TAFA4: variants seen among roughly 807,000 people sequenced by gnomAD.
TAFA4 encodes chemokine-like protein TAFA-4.
TAFA4 carries 20 observed loss-of-function variants against 21.1 expected under a neutral mutation model. The ratio of observed to expected loss-of-function variants is 0.95; its 90% CI spans 0.67 to 1.38. The LOEUF (loss-of-function observed/expected upper bound fraction) is 1.38, where lower values mean the gene tolerates loss of function less well. TAFA4 is among the 40% of genes most tolerant of loss of function. TAFA4 has a pLI of 0.00. For missense variants in TAFA4, 211 were observed against 180.9 expected (o/e 1.17, Z -0.95); for synonymous variants, 71 against 67.4 (o/e 1.05, Z -0.26).
intron 4 of TAFA4, 53 bp downstream of exon 4, chr3:68,752,810 G>C: frequency 6.2e-7 from 1 of 1,610,476 alleles, no homozygotes; most frequent in Non-Finnish European, 8.5e-7. Flanking sequence ...GGAAATTCCT[G>C]GTGGGTTTTG....
At chr3:68,822,817 C>G (rs1275224853) in intron 3 of TAFA4, among the ~76,000 whole-genome samples, 1 of 152,126 alleles carries the variant, frequency 6.6e-6, no homozygotes, top group South Asian at 2.1e-4. Context: ...TTAATGCATT[C>G]TAAGATGGAA....
chr3:68,809,647 C>T (rs2106841753), intron 3 of TAFA4, among the ~76,000 whole-genome samples: 1 of 151,534 alleles, frequency 6.6e-6, no homozygotes, highest in Non-Finnish European at 1.5e-5. Context: ...AGATCAGTGT[C>T]ATAAAGCTTT....
At chr3:68,783,423 G>A (rs1703185798) in intron 3 of TAFA4, among the ~76,000 whole-genome samples, 1 of 152,122 alleles carries the variant, frequency 6.6e-6, no homozygotes, top group South Asian at 2.1e-4. Context: ...ATCCAGCCTG[G>A]GGGCCTCAGC....
At chr3:68,910,882 A>T (rs931081553) in intron 1 of TAFA4, among the ~76,000 whole-genome samples, 1 of 152,216 alleles carries the variant, frequency 6.6e-6, no homozygotes, top group Non-Finnish European at 1.5e-5. Flanking sequence ...AAACATCAAT[A>T]AAAGGTTAAC....
At chr3:68,871,078 A>G (rs2089476623) in intron 3 of TAFA4, among the ~76,000 whole-genome samples, 1 of 152,180 alleles carries the variant, frequency 6.6e-6, no homozygotes, top group Non-Finnish European at 1.5e-5. Flanking sequence ...GAGGATGTGG[A>G]GAAATGGGAA....
intron 1 of TAFA4, among the ~76,000 whole-genome samples, chr3:68,899,283 G>A (rs2089822050): frequency 6.6e-6 from 1 of 151,844 alleles, no homozygotes; most frequent in Non-Finnish European, 1.5e-5. Context: ...ATTCCATGTA[G>A]AAATATTATT....
chr3:68,755,014 A>C (rs573495075), intron 3 of TAFA4, among the ~76,000 whole-genome samples: 1 of 152,268 alleles, frequency 6.6e-6, no homozygotes, highest in South Asian at 2.1e-4. Context: ...TAGAAACCCG[A>C]ATCTCAATGT....
At chr3:68,897,286 C>A (rs1487077809) in intron 1 of TAFA4, among the ~76,000 whole-genome samples, 1 of 152,146 alleles carries the variant, frequency 6.6e-6, no homozygotes, top group African/African-American at 2.4e-5. Context: ...GTGAACAGGA[C>A]CTTTCACCAT....
At position 68,844,469 on chromosome 3, in the gene TAFA4, GCTC is replaced by G. The variant is rs955702732; in HGVS notation, c.130+36258_130+36260del. Among the ~76,000 whole-genome samples, 325 of 151,044 alleles carry G rather than the reference GCTC, an allele frequency of 2.2e-3. 5 individuals are homozygous for G. The highest frequency in any genetic ancestry group is 7.5e-3 in the African/African-American group (309 of 40,996). On this transcript the variant is annotated intron_variant, in intron 3 of 5. Transcript: ENST00000295569. ...TTTGTTAATCTTTAAAAAAAAAACA[GCTC>G]CTGGATTCACTACTTTTTTGAAGGG...
rs1465445695 is a variant in TAFA4, at chr3:68,739,075, C to G, written c.411G>C (p.Lys137Asn). The change falls in exon 5 of 6, where the codon AAG becomes AAC. Residue 137 changes from lysine (K) to asparagine (N), a missense_variant and splice_region_variant. By Grantham distance (94) the Lys-to-Asn change is moderately conservative. Coordinates refer to ENST00000295569, the MANE Select transcript of TAFA4 (RefSeq NM_182522.5). ...CSSGNKVKTT[K>N]VTR is the part of the protein sequence containing the mutation. Reference sequence around the variant, plus strand: ...GTAGTTGCATTTTGTCTATACTTGCCTTCGTAGTTTTGACTTTATTGCCAC... The same window carrying G: ...GTAGTTGCATTTTGTCTATACTTGCGTTCGTAGTTTTGACTTTATTGCCAC... 6.2e-7 allele frequency: 1 copy of G among 1,613,484 alleles called. No homozygotes were observed. Among genetic ancestry groups the G allele is most frequent in the Non-Finnish European group, 8.5e-7 (1 of 1,179,730 alleles).
rs79354520 is a variant in TAFA4 at position 68,865,988 on chromosome 3, G to T, written c.130+14742C>A. On this transcript the variant is annotated intron_variant, in intron 3 of 5. Transcript: ENST00000295569. The stretch of plus-strand genomic sequence containing the variant: ...TACACTGGAAAAAAGTGAGACTGAG[G>T]TGGACAGCCAGCTTCCAAACCATCT... Among the ~76,000 whole-genome samples, 325 of 152,202 alleles carry T rather than the reference G, an allele frequency of 2.1e-3. 3 individuals carry two copies. In the East Asian group the frequency reaches 0.043, roughly 20 times the overall value.
At chr3:68,808,572 T>G (rs1039202592) in intron 3 of TAFA4, among the ~76,000 whole-genome samples, 4 of 152,222 alleles carry the variant, frequency 2.6e-5, no homozygotes, top group African/African-American at 9.6e-5. Flanking sequence ...TCTATCTTCA[T>G]ACCTTTGACT....
rs1256647076 is a variant in TAFA4, at chr3:68,880,809, G to C, written c.51C>G (p.His17Gln). Residue 17 changes from histidine (H) to glutamine (Q), a missense_variant, in exon 3 of 6, where the codon CAC (histidine) becomes CAG (glutamine). His to Gln is a conservative substitution (Grantham distance 24, BLOSUM62 0). Coordinates refer to ENST00000295569, the MANE Select transcript of TAFA4 (RefSeq NM_182522.5). ...RVCAKSVLLS[H>Q]WLFLAYVLMV... Reference sequence around the variant, plus strand: ...TTAACACGTAGGCTAGAAAGAGCCAGTGCGACAGCAACACTGACTTAGCAC... The same window carrying C: ...TTAACACGTAGGCTAGAAAGAGCCACTGCGACAGCAACACTGACTTAGCAC... 1.9e-6 allele frequency: 3 copies of C among 1,613,772 alleles called. No individual in the cohort carries two copies.
chr3:68,822,450 A>G (rs1272756605), intron 3 of TAFA4, among the ~76,000 whole-genome samples: 1 of 152,140 alleles, frequency 6.6e-6, no homozygotes, highest in African/African-American at 2.4e-5. Flanking sequence ...TACCTCCAAG[A>G]GGCAACATTG....
chr3:68,806,347 A>T (rs1405790950), intron 3 of TAFA4, among the ~76,000 whole-genome samples: 1 of 152,234 alleles, frequency 6.6e-6, no homozygotes, highest in Non-Finnish European at 1.5e-5. Flanking sequence ...TGTCAAAAGC[A>T]ACAAACAAGA....
intron 4 of TAFA4, among the ~76,000 whole-genome samples, chr3:68,751,643 G>A (rs1171764176): frequency 3.9e-5 from 6 of 151,988 alleles, no homozygotes; most frequent in Admixed American, 3.9e-4. Flanking sequence ...AAAAGCTTTG[G>A]AAATTGAAAG....
At chr3:68,899,935 T>A (rs955271782) in intron 1 of TAFA4, among the ~76,000 whole-genome samples, 4 of 151,994 alleles carry the variant, frequency 2.6e-5, no homozygotes, top group Admixed American at 6.6e-5. Context: ...CTAAAAGACA[T>A]TTAACCTTTA....
intron 4 of TAFA4, among the ~76,000 whole-genome samples, chr3:68,744,533 G>A (rs1172521014): frequency 1.3e-5 from 2 of 152,160 alleles, no homozygotes; most frequent in Non-Finnish European, 2.9e-5. Context: ...TAAATTCCCT[G>A]CAGAGAAAAA....
At position 68,802,410 on chromosome 3, in the gene TAFA4, T is replaced by C. The variant is rs73835355; in HGVS notation, c.131-49392A>G. Among the ~76,000 whole-genome samples, 1,117 of 152,022 alleles carry C rather than the reference T, an allele frequency of 7.3e-3. 10 individuals are homozygous for C. The highest frequency in any genetic ancestry group is 0.026 in the African/African-American group (1,065 of 41,464). On this transcript the variant is annotated intron_variant, in intron 3 of 5. Transcript: ENST00000295569. ...AGGCCCAGAAATAAAAGGTAGCATGTTGATTTCTTTAGGGGAAGGGGGGTT... is the reference window on the plus strand; with the variant it reads ...AGGCCCAGAAATAAAAGGTAGCATGCTGATTTCTTTAGGGGAAGGGGGGTT...
Sources: allele counts gnomAD v4.1 joint callset (sites outside exome capture counted in the v4.1 genomes callset), GRCh38; gene constraint gnomAD v4.1.1; transcripts MANE v1.5; gene names NCBI Gene and HGNC (gene_info 2026-07-23, HGNC 2026-07-21).